HAS1: variants seen among roughly 807,000 people sequenced by gnomAD.
HAS1 encodes the protein hyaluronan synthase 1, also known as HA synthase 1.
In HAS1, 27 loss-of-function variants were observed where a neutral mutation model predicts 35.0. The observed-to-expected ratio is 0.77, with a 90% CI of 0.57 to 1.06. The LOEUF is 1.06. HAS1 is among the 50% of genes least tolerant of loss of function. The pLI is 0.00. For missense variants in HAS1, 940 were observed against 814.8 expected (o/e 1.15, Z -1.87); for synonymous variants, 409 against 371.2 (o/e 1.10, Z -1.17).
At position 51,719,502 on chromosome 19, in the gene HAS1, C is replaced by T. The variant is rs769167568; in HGVS notation, c.403G>A (p.Gly135Ser). The stretch of plus-strand genomic sequence containing the variant: ...ATGTAGAGGTCCTCGGCGCGGTTGC[C>T]ATCCACCACCATGAGGACGCGCAGC... ...ARLRVLMVVD[G>S]NRAEDLYMVD... The change falls in exon 2 of 5, where the codon GGC (glycine) becomes AGC (serine). Residue 135 changes from glycine to serine, a missense_variant. Transcript: ENST00000540069. 7 of 1,550,072 alleles carry T rather than the reference C, an allele frequency of 4.5e-6. No homozygotes were observed. The African/African-American group carries it at 9.6e-5, about 21-fold the overall frequency.
intron 1 of HAS1, among the ~76,000 whole-genome samples, chr19:51,723,653 A>G (rs2083645905): frequency 1.3e-5 from 2 of 152,084 alleles, no homozygotes; most frequent in South Asian, 4.1e-4. Context: ...GTAGCAAGAT[A>G]CGCAGATACA....
chr19:51,716,408 G>A lies in HAS1; in HGVS notation c.926-20C>T. On this transcript the variant is annotated intron_variant, in intron 3 of 4. Transcript: ENST00000540069. Reference sequence around the variant, plus strand: ...ATAGGCCTGGGTGGAGGGGAGGTGTGAAAGAGTGTCAGCCTCTGCTGTCAC... The same window carrying A: ...ATAGGCCTGGGTGGAGGGGAGGTGTAAAAGAGTGTCAGCCTCTGCTGTCAC... 5 of 1,599,234 alleles carry A rather than the reference G, an allele frequency of 3.1e-6. No individual in the cohort carries two copies. Among genetic ancestry groups the A allele is most frequent in the Non-Finnish European group, 4.3e-6 (5 of 1,172,882 alleles).
At chr19:51,721,572 G>A (rs1368970236) in intron 1 of HAS1, among the ~76,000 whole-genome samples, 1 of 152,170 alleles carries the variant, frequency 6.6e-6, no homozygotes, top group Non-Finnish European at 1.5e-5. Flanking sequence ...GAGGTCAGGA[G>A]TTCGAGATTA....
intron 1 of HAS1, 41 bp downstream of exon 1, chr19:51,723,884 T>TACACAAAC: frequency 8.1e-7 from 1 of 1,227,612 alleles, no homozygotes; most frequent in South Asian, 1.5e-5. Context: ...CATGGCTGTA[T>TACACAAAC]ACACACACAC....
chr19:51,717,731 A>AT (rs2083596944), intron 2 of HAS1, among the ~76,000 whole-genome samples: 1 of 152,148 alleles, frequency 6.6e-6, no homozygotes, highest in Non-Finnish European at 1.5e-5. Flanking sequence ...CAACAAATAC[A>AT]TACGCTTGAA....
rs140981845 is a variant in HAS1, at chr19:51,714,064, G to A, written c.1097C>T (p.Ser366Leu). Residue 366 changes from serine (S) to leucine (L), a missense_variant, in exon 5 of 5, where the codon TCG (serine) becomes TTG (leucine). Ser to Leu is a moderately radical substitution (Grantham distance 145). Coordinates refer to ENST00000540069, the MANE Select transcript of HAS1 (RefSeq NM_001297436.2). Reference sequence around the variant, plus strand: ...CTGGCTCAGCCACCGCAGGAAGGACGAGGGCGTCTCTGAGTAGCAGCGGGA... The same window carrying A: ...CTGGCTCAGCCACCGCAGGAAGGACAAGGGCGTCTCTGAGTAGCAGCGGGA... ...SRSRCYSETP[S>L]SFLRWLSQQT... The A allele has an allele frequency of 4.3e-5, 70 of 1,613,562 alleles. No individual in the cohort carries two copies. The African/African-American group carries it at 8.9e-4, about 21-fold the overall frequency.
Position 51,714,039 on chromosome 19 carries a change from C to G in HAS1, c.1122G>C (p.Gln374His), listed in dbSNP as rs1238990208. 1.2e-6 allele frequency: 2 copies of G among 1,613,784 alleles called. No homozygotes were observed. The highest frequency in any genetic ancestry group is 2.2e-5 in the East Asian group (1 of 44,878). The change falls in exon 5 of 5, where the codon CAG becomes CAC. Residue 374 changes from glutamine (Q) to histidine (H), a missense_variant. By Grantham distance (24) the Gln-to-His change is conservative. Transcript: ENST00000540069. ...TPSSFLRWLS[Q>H]QTRWSKSYFR... ...AGTACGACTTGGACCAGCGTGTCTG[C>G]TGGCTCAGCCACCGCAGGAAGGACG...
chr19:51,720,091 T>G (rs1433872046), intron 1 of HAS1, 196 bp from the exon 2 acceptor site: 2 of 525,010 alleles, frequency 3.8e-6, no homozygotes, highest in South Asian at 2.6e-5. Flanking sequence ...TCTCTCTCTC[T>G]CGCTCTCGCT....
At chr19:51,719,148 C>G in intron 2 of HAS1, 58 bp downstream of exon 2, 1 of 1,077,818 alleles carries the variant, frequency 9.3e-7, no homozygotes, top group Non-Finnish European at 1.3e-6. Context: ...GGAAAGACCC[C>G]AGGAAAGTGG....
rs751162741 is a variant in HAS1, at chr19:51,717,067, C to T, written c.826G>A (p.Val276Ile). The change falls in exon 3 of 5, where the codon GTC (valine) becomes ATC (isoleucine). Residue 276 changes from valine (V) to isoleucine (I), a missense_variant. By Grantham distance (29) the Val-to-Ile change is conservative. Coordinates refer to ENST00000540069, the MANE Select transcript of HAS1 (RefSeq NM_001297436.2). ...TATCGCAGGCTGCTTAGGAAGCTGA[C>T]CCAGGAGTCCAGAGGGTTAAGGATC... ...VRILNPLDSW[V>I]SFLSSLRYWV... The T allele has an allele frequency of 6.2e-7, 1 of 1,614,128 alleles. No homozygotes were observed. The highest frequency in any genetic ancestry group is 8.5e-7 in the Non-Finnish European group (1 of 1,180,004).
chr19:51,716,958 C>T lies in HAS1; in HGVS notation c.925+10G>A, dbSNP rs779748601. 8.8e-6 allele frequency: 14 copies of T among 1,584,352 alleles called. No homozygotes were observed. In the South Asian group the frequency reaches 1.5e-4, roughly 18 times the overall value. The stretch of plus-strand genomic sequence containing the variant: ...CATCCACAGCCCTCCCAATCTCTGC[C>T]CCTGCTTACCTAGAGGACCGCTGAT... On this transcript the variant is annotated intron_variant, in intron 3 of 4. Coordinates refer to ENST00000540069, the MANE Select transcript of HAS1 (RefSeq NM_001297436.2).
chr19:51,719,043 G>A (rs2083604741), intron 2 of HAS1, among the ~76,000 whole-genome samples, 163 bp downstream of exon 2: 1 of 152,218 alleles, frequency 6.6e-6, no homozygotes, highest in Non-Finnish European at 1.5e-5. Flanking sequence ...AGGGATAGAT[G>A]GATGGATGAA....
chr19:51,720,558 T>C (rs1465105265), intron 1 of HAS1, among the ~76,000 whole-genome samples: 1 of 152,110 alleles, frequency 6.6e-6, no homozygotes, highest in African/African-American at 2.4e-5. Context: ...AGTGGCACCA[T>C]CATAGCTCAC....
Position 51,713,894 on chromosome 19 carries a change from A to G in HAS1, c.1267T>C (p.Tyr423His), listed in dbSNP as rs1466785335. The change falls in exon 5 of 5, where the codon TAC becomes CAC. Residue 423 changes from tyrosine (Y) to histidine (H), a missense_variant. Tyr to His is a moderately conservative substitution (Grantham distance 83). Transcript: ENST00000540069. The surrounding 1 kb of genome is among the most constrained non-coding windows in gnomAD (Gnocchi z 4.5). ...FVAATVLRLFYAGRPWALLWV... is the reference protein window; with the variant it reads ...FVAATVLRLFHAGRPWALLWV... ...AGCAGCGCCCAAGGGCGGCCCGCGT[A>G]GAACAGACGCAGCACAGTGGCCGCC... 1 of 1,606,764 alleles carries G rather than the reference A, an allele frequency of 6.2e-7. No homozygotes were observed. Among genetic ancestry groups the G allele is most frequent in the African/African-American group, 1.3e-5 (1 of 74,954 alleles).
Position 51,713,421 on chromosome 19 carries a change from C to T in HAS1, c.*6G>A, listed in dbSNP as rs1186492964. 4 of 1,502,946 alleles carry T rather than the reference C, an allele frequency of 2.7e-6. No homozygotes were observed. The highest frequency in any genetic ancestry group is 3.6e-6 in the Non-Finnish European group (4 of 1,125,408). The allele number at this position is 1,502,946 out of a possible 1,614,324, so 93.1% of individuals were successfully genotyped here. A position where few individuals can be genotyped will look rare whatever the true frequency, so the allele number is the denominator to read the frequency against. On this transcript the variant is annotated 3_prime_UTR_variant, in exon 5 of 5. Coordinates refer to ENST00000540069, the MANE Select transcript of HAS1 (RefSeq NM_001297436.2). This position sits in a 1 kb window ranked among gnomAD's most constrained non-coding sequence, Gnocchi z 4.5. ...GACCCTTGAGGCGGCATCCGCGTGG[C>T]TGGACTCACACCTGGACGCGGTAGC... is the stretch of plus-strand genomic sequence containing the variant.
At chr19:51,718,329 T>C (rs1362989887) in intron 2 of HAS1, among the ~76,000 whole-genome samples, 1 of 151,964 alleles carries the variant, frequency 6.6e-6, no homozygotes, top group Non-Finnish European at 1.5e-5. Context: ...GATAGATGGC[T>C]GAGTGGTTGA....
intron 1 of HAS1, among the ~76,000 whole-genome samples, chr19:51,721,542 C>T (rs1023429386): frequency 2.6e-5 from 4 of 152,036 alleles, no homozygotes; most frequent in Admixed American, 1.3e-4. Context: ...CTTTGGGAGG[C>T]GGAGGCGGGT....
chr19:51,721,065 C>A (rs1423661778), intron 1 of HAS1, among the ~76,000 whole-genome samples: 1 of 152,008 alleles, frequency 6.6e-6, no homozygotes, highest in Non-Finnish European at 1.5e-5. Flanking sequence ...TATTATTATC[C>A]CCGTTGTACA....
At position 51,716,298 on chromosome 19, in the gene HAS1, C is replaced by T. The variant is rs756827225; in HGVS notation, c.1016G>A (p.Arg339Gln). 25 of 1,613,710 alleles carry T rather than the reference C, an allele frequency of 1.5e-5. No individual in the cohort carries two copies. Among genetic ancestry groups the T allele is most frequent in the East Asian group, 2.2e-5 (1 of 44,894 alleles). ...LGTHCTFGDDRHLTNRMLSMG... is the reference protein window; with the variant it reads ...LGTHCTFGDDQHLTNRMLSMG... ...GCTGAGCATGCGGTTGGTGAGGTGC[C>T]GGTCATCCCCAAAAGTACAGTGGGT... The change falls in exon 4 of 5, where the codon CGG becomes CAG. Residue 339 changes from arginine to glutamine, a missense_variant. By Grantham distance (43) the Arg-to-Gln change is conservative. Coordinates refer to ENST00000540069, the MANE Select transcript of HAS1 (RefSeq NM_001297436.2).
Sources: gnomAD v4.1 joint callset for allele counts (sites outside exome capture counted in the v4.1 genomes callset) on GRCh38, gnomAD v4.1.1 for gene constraint, Gnocchi (gnomAD v3.1) non-coding constraint, MANE v1.5 for transcripts, NCBI Gene and HGNC (gene_info 2026-07-23, HGNC 2026-07-21) for gene names.